The following MORN1 variants were observed in gnomAD, a reference collection of about 807,000 sequenced individuals.
MORN1 encodes MORN repeat-containing protein 1.
Under a neutral mutation model 61.9 loss-of-function variants are expected in MORN1, and 67 were observed. That is an observed-to-expected ratio of 1.08 (90% CI 0.89 to 1.33). The LOEUF (loss-of-function observed/expected upper bound fraction) is 1.33. MORN1 is among the 40% of genes most tolerant of loss of function. The probability of loss-of-function intolerance (pLI) is 0.00; values close to 1 mark genes in which losing one functional copy is unlikely to be tolerated. For missense variants in MORN1, 752 were observed against 691.2 expected (o/e 1.09, Z -0.99); for synonymous variants, 301 against 292.0 (o/e 1.03, Z -0.31).
chr1:2,388,799 A>AAAG (rs1642569353), intron 2 of MORN1, among the ~76,000 whole-genome samples: 1 of 129,948 alleles, frequency 7.7e-6, no homozygotes, highest in Non-Finnish European at 1.6e-5. Context: ...AAAAAAAAAA[A>AAAG]AGAGAGAGAG....
At chr1:2,362,971 G>A (rs923752120) in intron 8 of MORN1, 4 of 152,182 alleles carry the variant, frequency 2.6e-5, no homozygotes, top group Non-Finnish European at 5.9e-5. Flanking sequence ...AAGTCCTTCA[G>A]GCAGAGGAAA....
intron 12 of MORN1, chr1:2,332,500 C>G (rs1396968234): frequency 2.4e-6 from 1 of 413,552 alleles, no homozygotes; most frequent in Non-Finnish European, 4.9e-6. Flanking sequence ...GCAGTTCTGT[C>G]TTGACATCGA....
At chr1:2,327,261 CAGAAACAA>C (rs1641051985) in intron 12 of MORN1, among the ~76,000 whole-genome samples, 1 of 143,982 alleles carries the variant, frequency 6.9e-6, no homozygotes, top group Non-Finnish European at 1.5e-5. Flanking sequence ...CACAGAAACA[CAGAAACAA>C]ACACAGAGAC....
At chr1:2,336,295 C>T (rs913107140) in intron 12 of MORN1, among the ~76,000 whole-genome samples, 174 bp downstream of exon 12, 2 of 152,222 alleles carry the variant, frequency 1.3e-5, no homozygotes, top group African/African-American at 4.8e-5. Flanking sequence ...AGCTGTTAGC[C>T]CCGCGAGACC....
intron 6 of MORN1, chr1:2,378,954 G>A (rs1407502692): frequency 4.3e-6 from 2 of 463,340 alleles, no homozygotes; most frequent in Non-Finnish European, 8.8e-6. Flanking sequence ...TTTGGGATCC[G>A]CTGTTCTTAT....
rs1018243712 is a variant in MORN1 at position 2,384,937 on chromosome 1, C to A, written c.537+41G>T. The A allele has an allele frequency of 5.3e-6, 8 of 1,511,214 alleles. No homozygotes were observed. The African/African-American group carries it at 1.1e-4, about 21-fold the overall frequency. The allele number at this position is 1,511,214 out of a possible 1,614,324, so 93.6% of individuals were successfully genotyped here. A position where few individuals can be genotyped will look rare whatever the true frequency, so the allele number is the denominator to read the frequency against. On this transcript the variant is annotated intron_variant, in intron 6 of 13. Coordinates refer to ENST00000378531, the MANE Select transcript of MORN1 (RefSeq NM_024848.3). ...CCACGCGCCCTGCCCACCACGAGGC[C>A]TGTACCCTCTGGGCAGCAGGTGCCG...
At position 2,357,403 on chromosome 1, in the gene MORN1, C is replaced by T. The variant is rs760607400; in HGVS notation, c.1036+29G>A. On this transcript the variant is annotated intron_variant, in intron 10 of 13. Transcript: ENST00000378531. The surrounding 1 kb of genome is among the most constrained non-coding windows in gnomAD (Gnocchi z 6.3). ...TGACTGCTGGGCCTGGGCCCACCCACCCCCAACTGGTTTGTGAGCTCCACT... is the reference window on the plus strand; with the variant it reads ...TGACTGCTGGGCCTGGGCCCACCCATCCCCAACTGGTTTGTGAGCTCCACT... 2 of 1,563,758 alleles carry T rather than the reference C, an allele frequency of 1.3e-6. No individual in the cohort carries two copies. The highest frequency in any genetic ancestry group is 2.3e-5 in the East Asian group (1 of 43,804).
rs1000012807 is a variant in MORN1 at position 2,337,840 on chromosome 1, G to A, written c.1037-990C>T. Among the ~76,000 whole-genome samples, 3 of 152,108 alleles carry A rather than the reference G, an allele frequency of 2.0e-5. No individual in the cohort carries two copies. Among genetic ancestry groups the A allele is most frequent in the Non-Finnish European group, 4.4e-5 (3 of 68,024 alleles). On this transcript the variant is annotated intron_variant, in intron 10 of 13. Transcript: ENST00000378531. This position sits in a 1 kb window ranked among gnomAD's most constrained non-coding sequence, Gnocchi z 5.7. Reference sequence around the variant, plus strand: ...CTGAGAGGGAGGCAGGGGCTGGGGCGGTGGCTTTAGGGCCACAGATGAGTG... The same window carrying A: ...CTGAGAGGGAGGCAGGGGCTGGGGCAGTGGCTTTAGGGCCACAGATGAGTG...
At chr1:2,348,581 GCACA>G (rs900915724) in intron 10 of MORN1, among the ~76,000 whole-genome samples, 1 of 152,058 alleles carries the variant, frequency 6.6e-6, no homozygotes, top group African/African-American at 2.4e-5. Context: ...GCCGGAGAGT[GCACA>G]CACACGCATG....
Position 2,387,503 on chromosome 1 carries a change from G to C in MORN1, c.274C>G (p.Leu92Val), listed in dbSNP as rs1387616409. 1 of 1,612,914 alleles carries C rather than the reference G, an allele frequency of 6.2e-7. No individual in the cohort carries two copies. The highest frequency in any genetic ancestry group is 8.5e-7 in the Non-Finnish European group (1 of 1,179,976). The change falls in exon 4 of 14, where the codon CTG becomes GTG. Residue 92 changes from leucine (L) to valine (V), a missense_variant. By Grantham distance (32) the Leu-to-Val change is conservative. Transcript: ENST00000378531. ...ACGCCGTAGCCTTGAGGCTCTCCCA[G>C]AACAAACTGTCCAGAGAAGGTGTCT... ...SGDTFSGQFV[L>V]GEPQGYGVME...
At chr1:2,327,333 AAC>A (rs539393058) in intron 12 of MORN1, among the ~76,000 whole-genome samples, 13 of 150,272 alleles carry the variant, frequency 8.7e-5, no homozygotes, top group Admixed American at 7.3e-4. Flanking sequence ...AACACACAGA[AAC>A]ACACAGACAG....
At chr1:2,330,374 T>C (rs1253814855) in intron 12 of MORN1, among the ~76,000 whole-genome samples, 1 of 152,194 alleles carries the variant, frequency 6.6e-6, no homozygotes, top group East Asian at 1.9e-4. Context: ...TGTCACCTCT[T>C]TGTGGCAGAC....
chr1:2,321,423 G>T lies in MORN1; in HGVS notation c.1454C>A (p.Ala485Asp), dbSNP rs1311199283. 3.2e-6 allele frequency: 5 copies of T among 1,539,790 alleles called. No homozygotes were observed. The highest frequency in any genetic ancestry group is 4.4e-6 in the Non-Finnish European group (5 of 1,142,136). ...EGPEASSSWQ[A>D]AHSCTPEPPA... ...CGGCTCTGGGGTGCAGCTGTGGGCG[G>T]CCTGCCAGCTGCTTGAGGCTTCAGG... The change falls in exon 14 of 14, where the codon GCC (alanine) becomes GAC (aspartate). Residue 485 changes from alanine to aspartate, a missense_variant. Ala to Asp is a moderately radical substitution (Grantham distance 126, BLOSUM62 -2). Transcript: ENST00000378531.
chr1:2,332,951 G>A (rs911022267), intron 12 of MORN1, among the ~76,000 whole-genome samples: 49 of 152,288 alleles, frequency 3.2e-4, no homozygotes, highest in Admixed American at 2.0e-3. Flanking sequence ...GGCTGCCTAC[G>A]AGGATGCCTC....
At chr1:2,367,849 G>A (rs530171269) in intron 8 of MORN1, among the ~76,000 whole-genome samples, 81 of 152,190 alleles carry the variant, frequency 5.3e-4, no homozygotes, top group Middle Eastern at 3.4e-3. Context: ...GGCTGGTCTT[G>A]AACTCCTGAC....
At chr1:2,389,797 A>C in intron 2 of MORN1, 128 bp downstream of exon 2, 2 of 806,080 alleles carry the variant, frequency 2.5e-6, no homozygotes, top group Non-Finnish European at 4.2e-6. Flanking sequence ...GCAGCCAGGG[A>C]AGCACCAGGG....
At chr1:2,379,183 C>A in intron 6 of MORN1, 1 of 470,866 alleles carries the variant, frequency 2.1e-6, no homozygotes, top group South Asian at 1.6e-5. Flanking sequence ...GGGTAGCAGC[C>A]GATGTCTCCT....
chr1:2,355,011 G>A (rs988878092), intron 10 of MORN1, among the ~76,000 whole-genome samples: 6 of 152,230 alleles, frequency 3.9e-5, no homozygotes, highest in African/African-American at 1.4e-4. Flanking sequence ...AACAGCCTGA[G>A]CCGGGCTGAG....
rs139755545 is a variant in MORN1 at position 2,334,204 on chromosome 1, C to T, written c.1250+2265G>A. Among the ~76,000 whole-genome samples, 12 of 151,748 alleles carry T rather than the reference C, an allele frequency of 7.9e-5. No homozygotes were observed. The South Asian group carries it at 1.3e-3, about 16-fold the overall frequency. ...GGAAGAGGTCGTGAGGTCGACGCCC[C>T]GGTCAGCCACAGTTGAGGGCCTCTG... On this transcript the variant is annotated intron_variant, in intron 12 of 13. Transcript: ENST00000378531. The surrounding 1 kb of genome is among the most constrained non-coding windows in gnomAD (Gnocchi z 5.4).
Sources: gnomAD v4.1 joint callset for allele counts (sites outside exome capture counted in the v4.1 genomes callset) on GRCh38, gnomAD v4.1.1 for gene constraint, Gnocchi (gnomAD v3.1) non-coding constraint, MANE v1.5 for transcripts, NCBI Gene and HGNC (gene_info 2026-07-23, HGNC 2026-07-21) for gene names.